The following ANTXR2 variants were observed in gnomAD, a reference collection of about 807,000 sequenced individuals.
The protein encoded by ANTXR2 is ANTXR cell adhesion molecule 2, also known as anthrax toxin receptor 2.
A neutral mutation model predicts 73.7 loss-of-function variants in ANTXR2; 44 were observed. The observed-to-expected ratio is 0.60, with a 90% CI of 0.47 to 0.77. ANTXR2 has a LOEUF of 0.77. Ranked by LOEUF, ANTXR2 falls within the 30% of genes least tolerant of loss-of-function variation. The pLI is 0.00. For synonymous variants in ANTXR2, 217 were observed against 205.9 expected, an observed-to-expected ratio of 1.05 and a Z score of -0.46; for missense variants, 604 against 592.5, an observed-to-expected ratio of 1.02 and a Z score of -0.20.
chr4:79,946,236 G>A (rs1728508299), intron 16 of ANTXR2, among the ~76,000 whole-genome samples: 1 of 152,140 alleles, frequency 6.6e-6, no homozygotes, highest in Non-Finnish European at 1.5e-5. Flanking sequence ...TTGGAATCTA[G>A]GTATGCCAAG....
chr4:80,010,073 G>C (rs1361801720), intron 11 of ANTXR2, among the ~76,000 whole-genome samples: 1 of 150,604 alleles, frequency 6.6e-6, no homozygotes, highest in Non-Finnish European at 1.5e-5. Context: ...AAAAAATTCA[G>C]GGAAGAAAAG....
At chr4:79,980,167 G>A (rs1039650695) in intron 14 of ANTXR2, among the ~76,000 whole-genome samples, 4 of 152,208 alleles carry the variant, frequency 2.6e-5, no homozygotes, top group Non-Finnish European at 4.4e-5. Context: ...TATAGTTGCT[G>A]AGATCTAAAG....
intron 7 of ANTXR2, among the ~76,000 whole-genome samples, chr4:80,036,830 C>T (rs1732996851): frequency 6.6e-6 from 1 of 152,074 alleles, no homozygotes; most frequent in South Asian, 2.1e-4. Context: ...AAGCACTTCT[C>T]TTTATTGGAC....
intron 9 of ANTXR2, among the ~76,000 whole-genome samples, chr4:80,032,946 A>C (rs992233429): frequency 2.0e-5 from 3 of 151,436 alleles, no homozygotes; most frequent in Non-Finnish European, 4.4e-5. Context: ...GCAAAAAAAG[A>C]CTATCTTCAA....
chr4:80,038,919 A>G (rs1350767515), intron 7 of ANTXR2, among the ~76,000 whole-genome samples: 1 of 152,092 alleles, frequency 6.6e-6, no homozygotes, highest in African/African-American at 2.4e-5. Flanking sequence ...TAGAAAACAA[A>G]CTTTTTGAGG....
rs747494016 is a variant in ANTXR2, at chr4:80,072,485, C to A, written c.76G>T (p.Gly26Cys). 2 of 1,609,758 alleles carry A rather than the reference C, an allele frequency of 1.2e-6. No individual in the cohort carries two copies. Among genetic ancestry groups the A allele is most frequent in the East Asian group, 2.2e-5 (1 of 44,544 alleles). ...FPGLWLLVLS[G>C]PGGLLRAQEQ... ...TGGGCGCGCAGCAGCCCCCCGGGAC[C>A]GCTGAGCACCAACAGCCACAGCCCG... The change falls in exon 1 of 17, where the codon GGT becomes TGT. Residue 26 changes from glycine (G) to cysteine (C), a missense_variant. Gly to Cys is a radical substitution (Grantham distance 159, BLOSUM62 -3). Coordinates refer to ENST00000403729, the MANE Select transcript of ANTXR2 (RefSeq NM_058172.6).
chr4:79,977,936 G>C (rs1729708314), intron 15 of ANTXR2, 71 bp downstream of exon 15: 2 of 1,469,716 alleles, frequency 1.4e-6, no homozygotes, highest in South Asian at 2.7e-5. Context: ...TAGCTGGGGG[G>C]ATGTGGTACA....
chr4:79,990,383 C>CAAAAAAAAAAA (rs70944757), intron 12 of ANTXR2, among the ~76,000 whole-genome samples: 28 of 76,884 alleles, frequency 3.6e-4, no homozygotes, highest in Non-Finnish European at 5.7e-4. Flanking sequence ...ACAACAGTTA[C>CAAAAAAAAAAA]AAAAAAAAAA....
intron 10 of ANTXR2, among the ~76,000 whole-genome samples, chr4:80,019,779 G>A (rs1374818462): frequency 2.6e-5 from 4 of 152,080 alleles, no homozygotes; most frequent in African/African-American, 4.8e-5. Context: ...AAAATATCCC[G>A]ACAAAGGTAC....
At position 80,031,739 on chromosome 4, in the gene ANTXR2, C is replaced by T. The variant is rs1404493669; in HGVS notation, c.797-47G>A. On this transcript the variant is annotated intron_variant, in intron 9 of 16. Coordinates refer to ENST00000403729, the MANE Select transcript of ANTXR2 (RefSeq NM_058172.6). ...AATTAGTAAAGGGTTTTATGCATCT[C>T]ACACAGTTTCATTAATAATATGAAC... is the stretch of plus-strand genomic sequence containing the variant. 3 of 1,136,576 alleles carry T rather than the reference C, an allele frequency of 2.6e-6. No homozygotes were observed. The African/African-American group carries it at 4.9e-5, about 19-fold the overall frequency. The allele number at this position is 1,136,576 out of a possible 1,614,324, so 70.4% of individuals were successfully genotyped here.
chr4:79,946,935 C>T (rs747056758), intron 16 of ANTXR2, among the ~76,000 whole-genome samples: 1 of 152,036 alleles, frequency 6.6e-6, no homozygotes, highest in Non-Finnish European at 1.5e-5. Context: ...AGAAGGGAAA[C>T]CATGCTTTAT....
At chr4:80,054,205 TTAC>T in intron 7 of ANTXR2, 64 bp downstream of exon 7, 4 of 1,276,776 alleles carry the variant, frequency 3.1e-6, no homozygotes, top group Non-Finnish European at 4.4e-6. Flanking sequence ...GATATTAAGA[TTAC>T]TTCTTATAGA....
At chr4:80,064,611 G>A (rs1380079259) in intron 3 of ANTXR2, among the ~76,000 whole-genome samples, 1 of 152,230 alleles carries the variant, frequency 6.6e-6, no homozygotes, top group South Asian at 2.1e-4. Flanking sequence ...TTACTGGGGA[G>A]GAGAGGTGGG....
rs1011628902 is a variant in ANTXR2 at position 79,906,499 on chromosome 4, C to T, written c.*930G>A. 1.7e-4 allele frequency: 26 copies of T among 152,630 alleles called. No individual in the cohort carries two copies. Among genetic ancestry groups the T allele is most frequent in the East Asian group, 5.8e-4 (3 of 5,172 alleles). The allele number at this position is 152,630 out of a possible 1,614,324, so 9.5% of individuals were successfully genotyped here. A position where few individuals can be genotyped will look rare whatever the true frequency, so the allele number is the denominator to read the frequency against. ...ACTTGAAGAAAGAAAAAACCCTGAGCGGAAGCTTTGTGGTTACTGCTTCCT... is the reference window on the plus strand; with the variant it reads ...ACTTGAAGAAAGAAAAAACCCTGAGTGGAAGCTTTGTGGTTACTGCTTCCT... On this transcript the variant is annotated 3_prime_UTR_variant, in exon 17 of 17. Transcript: ENST00000403729.
At chr4:80,031,958 AT>A (rs1204655942) in intron 9 of ANTXR2, among the ~76,000 whole-genome samples, 1 of 151,764 alleles carries the variant, frequency 6.6e-6, no homozygotes, top group Non-Finnish European at 1.5e-5. Flanking sequence ...ACTATAAAAT[AT>A]ATTTTCTCTT....
In ANTXR2 at chr4:80,018,986, A is replaced by G. The variant is rs553095998; in HGVS notation, c.867-10T>C. The G allele has an allele frequency of 1.4e-6, 2 of 1,455,184 alleles. No homozygotes were observed. Among genetic ancestry groups the G allele is most frequent in the Middle Eastern group, 1.8e-4 (1 of 5,458 alleles). 90.1% of individuals were successfully genotyped at this position (1,455,184 alleles called of 1,614,324 possible). ...TGAAACATCAAGAGTTCTGAAAAAG[A>G]AAAGAAACAATAATTTTATATACAT... On this transcript the variant is annotated splice_polypyrimidine_tract_variant and intron_variant, in intron 10 of 16. Coordinates refer to ENST00000403729, the MANE Select transcript of ANTXR2 (RefSeq NM_058172.6).
At chr4:80,039,978 A>G (rs1013606871) in intron 7 of ANTXR2, among the ~76,000 whole-genome samples, 6 of 152,122 alleles carry the variant, frequency 3.9e-5, no homozygotes, top group African/African-American at 1.4e-4. Flanking sequence ...ACATGAACGC[A>G]GCTGGAGACC....
intron 16 of ANTXR2, among the ~76,000 whole-genome samples, chr4:79,933,858 C>T (rs908718926): frequency 6.6e-6 from 1 of 151,060 alleles, no homozygotes; most frequent in Admixed American, 6.6e-5. Flanking sequence ...CCTCAGCCTT[C>T]GGAATAGCTG....
intron 10 of ANTXR2, among the ~76,000 whole-genome samples, chr4:80,023,714 G>T (rs1240472145): frequency 6.6e-6 from 1 of 152,144 alleles, no homozygotes; most frequent in African/African-American, 2.4e-5. Context: ...AGTCCATGCA[G>T]ATGGAGCACT....
Sources: allele counts gnomAD v4.1 joint callset (sites outside exome capture counted in the v4.1 genomes callset), GRCh38; gene constraint gnomAD v4.1.1; transcripts MANE v1.5; gene names NCBI Gene and HGNC (gene_info 2026-07-23, HGNC 2026-07-21).